The following SAMD4B variants were observed in gnomAD, a reference collection of about 807,000 sequenced individuals.
SAMD4B encodes sterile alpha motif domain containing 4B.
A neutral mutation model predicts 74.5 loss-of-function variants in SAMD4B; 5 were observed. The observed-to-expected ratio is 0.07, with a 90% CI of 0.04 to 0.14. The LOEUF (loss-of-function observed/expected upper bound fraction) is 0.14, where lower values mean the gene tolerates loss of function less well. SAMD4B is among the 10% of genes least tolerant of loss of function. The pLI is 1.00. For synonymous variants in SAMD4B, 373 were observed against 374.9 expected (o/e 1.00, Z 0.06); for missense variants, 608 against 921.8 (o/e 0.66, Z 4.41).
At chr19:39,361,222 A>T (rs2076624980) in intron 3 of SAMD4B, among the ~76,000 whole-genome samples, 1 of 152,104 alleles carries the variant, frequency 6.6e-6, no homozygotes, top group Non-Finnish European at 1.5e-5. Flanking sequence ...AGCGGGATGG[A>T]CCAGTTAGAA....
At chr19:39,366,834 A>G (rs150955467) in intron 3 of SAMD4B, among the ~76,000 whole-genome samples, 275 of 152,192 alleles carry the variant, frequency 1.8e-3, no homozygotes, top group Non-Finnish European at 3.1e-3. Context: ...ACTTGGGTTG[A>G]AAGACCCTCA....
chr19:39,388,116 G>A (rs1454204581), downstream of SAMD4B, among the ~76,000 whole-genome samples: 2 of 152,184 alleles, frequency 1.3e-5, no homozygotes, highest in Non-Finnish European at 2.9e-5. Flanking sequence ...ACTCTGGCCT[G>A]GGCAACAGAG....
chr19:39,365,551 T>A (rs1256406339), intron 3 of SAMD4B, among the ~76,000 whole-genome samples: 1 of 149,856 alleles, frequency 6.7e-6, no homozygotes, highest in Non-Finnish European at 1.5e-5. Context: ...CAAGCCTCCA[T>A]GTCAAAAAAA....
chr19:39,383,703 C>T lies in SAMD4B; in HGVS notation c.*176C>T, dbSNP rs1160435667. The T allele has an allele frequency of 3.9e-6, 6 of 1,540,486 alleles. No individual in the cohort carries two copies. The highest frequency in any genetic ancestry group is 3.5e-6 in the Non-Finnish European group (4 of 1,148,476). On this transcript the variant is annotated 3_prime_UTR_variant, in exon 14 of 14. Coordinates refer to ENST00000610417, the MANE Select transcript of SAMD4B (RefSeq NM_001384574.2). This position sits in a 1 kb window ranked among gnomAD's most constrained non-coding sequence, Gnocchi z 4.1. The stretch of plus-strand genomic sequence containing the variant: ...AACATTGGCACATGCCTTGCTCACT[C>T]CCAGGCCCGTCGAGGGATCTCTGCT...
At chr19:39,344,854 CT>C (rs2075596542) in intron 1 of SAMD4B, among the ~76,000 whole-genome samples, 1 of 152,142 alleles carries the variant, frequency 6.6e-6, no homozygotes, top group Non-Finnish European at 1.5e-5. Flanking sequence ...CCCCTCTTCC[CT>C]TCAGAGATCA....
At chr19:39,366,142 G>T (rs1351479216) in intron 3 of SAMD4B, among the ~76,000 whole-genome samples, 3 of 152,064 alleles carry the variant, frequency 2.0e-5, no homozygotes, top group Admixed American at 1.3e-4. Context: ...ATGGTTAAAC[G>T]CCCCCTCCAC....
chr19:39,381,182 G>T, intron 12 of SAMD4B, 69 bp downstream of exon 12: 1 of 1,511,866 alleles, frequency 6.6e-7, no homozygotes, highest in African/African-American at 1.4e-5. Flanking sequence ...TTTCTCCTGG[G>T]TCTCATGTCC....
chr19:39,370,590 A>C (rs2077233771), intron 4 of SAMD4B, among the ~76,000 whole-genome samples: 1 of 152,086 alleles, frequency 6.6e-6, no homozygotes, highest in South Asian at 2.1e-4. Flanking sequence ...CCTGGCCTCT[A>C]AGGGCATCAG....
downstream of SAMD4B, among the ~76,000 whole-genome samples, chr19:39,387,971 CTA>C (rs1000536828): frequency 6.6e-6 from 1 of 152,112 alleles, no homozygotes; most frequent in Non-Finnish European, 1.5e-5. Flanking sequence ...AACCCCATCT[CTA>C]TTAAAAATAC....
In SAMD4B at chr19:39,369,805, A is replaced by G. The variant is rs776755097; in HGVS notation, c.347A>G (p.Asn116Ser). 3.7e-6 allele frequency: 6 copies of G among 1,614,098 alleles called. No homozygotes were observed. Among genetic ancestry groups the G allele is most frequent in the Non-Finnish European group, 5.1e-6 (6 of 1,180,044 alleles). Residue 116 changes from asparagine (N) to serine (S), a missense_variant, in exon 4 of 14, where the codon AAT (asparagine) becomes AGT (serine). Coordinates refer to ENST00000610417, the MANE Select transcript of SAMD4B (RefSeq NM_001384574.2). ...QKVLAYSIES[N>S]AFIEESRQLL... is the part of the protein sequence containing the mutation. ...GTGCTGGCCTACTCAATCGAGAGCA[A>G]TGCTTTCATCGAGGAGAGTCGCCAG...
chr19:39,365,193 C>T (rs1329537006), intron 3 of SAMD4B, among the ~76,000 whole-genome samples: 1 of 148,164 alleles, frequency 6.7e-6, no homozygotes, highest in Non-Finnish European at 1.5e-5. Flanking sequence ...TTGCAGTGAG[C>T]CGAGATCGTG....
intron 4 of SAMD4B, among the ~76,000 whole-genome samples, chr19:39,373,869 C>A (rs902816074): frequency 5.9e-5 from 9 of 152,212 alleles, no homozygotes; most frequent in African/African-American, 2.2e-4. Context: ...GAGGCTGAGG[C>A]AGGAGAATTG....
In SAMD4B at chr19:39,381,116, G is replaced by A. The variant is rs1256116858; in HGVS notation, c.1972+3G>A. ...GGCCATTCTCATGTTCCCTCCAGGT[G>A]AGGTGCCCCACCCTTGGGACTCTGC... On this transcript the variant is annotated splice_donor_region_variant and intron_variant, in intron 12 of 13. Transcript: ENST00000610417. 1 of 1,600,386 alleles carries A rather than the reference G, an allele frequency of 6.2e-7. No homozygotes were observed. The highest frequency in any genetic ancestry group is 1.7e-5 in the Admixed American group (1 of 58,244).
At position 39,385,548 on chromosome 19, in the gene SAMD4B, T is replaced by TA. The variant is rs2145919398; in HGVS notation, c.*2022dup. On this transcript the variant is annotated 3_prime_UTR_variant, in exon 14 of 14. Coordinates refer to ENST00000610417, the MANE Select transcript of SAMD4B (RefSeq NM_001384574.2). ...CCCTCCTCCATGATTTCACCCTCCCTACCCACTTCTGTCCCCGGCCCCACT... is the reference window on the plus strand; with the variant it reads ...CCCTCCTCCATGATTTCACCCTCCCTAACCCACTTCTGTCCCCGGCCCCACT... The TA allele has an allele frequency of 4.1e-6, 2 of 487,098 alleles. No individual in the cohort carries two copies. Among genetic ancestry groups the TA allele is most frequent in the East Asian group, 6.3e-5 (2 of 31,968 alleles). The allele number at this position is 487,098 out of a possible 1,614,324, so 30.2% of individuals were successfully genotyped here.
chr19:39,355,304 C>A (rs2076282321), intron 2 of SAMD4B, among the ~76,000 whole-genome samples: 1 of 152,204 alleles, frequency 6.6e-6, no homozygotes, highest in Non-Finnish European at 1.5e-5. Context: ...CATTTTCCCT[C>A]ATACCTTTCC....
downstream of SAMD4B, chr19:39,389,969 G>C (rs577472103): frequency 9.2e-7 from 1 of 1,084,318 alleles, no homozygotes; most frequent in Non-Finnish European, 1.4e-6. The surrounding 1 kb of genome is among the most constrained non-coding windows in gnomAD (Gnocchi z 5.3). Flanking sequence ...GCTAGGGTAG[G>C]TACTGTGCTA....
intron 2 of SAMD4B, among the ~76,000 whole-genome samples, 197 bp from the exon 3 acceptor site, chr19:39,356,492 C>T (rs11669586): frequency 0.045 from 6,806 of 152,220 alleles, 171 homozygotes; most frequent in African/African-American, 0.05. Flanking sequence ...GTCCCAGTCA[C>T]GCCTTTTCTC....
At chr19:39,359,988 A>G (rs1217885147) in intron 3 of SAMD4B, 1 of 152,136 alleles carries the variant, frequency 6.6e-6, no homozygotes. Context: ...GATCGAGACC[A>G]TCCTGGCTAA....
chr19:39,373,055 TG>T (rs1386865378), intron 4 of SAMD4B, among the ~76,000 whole-genome samples: 1 of 152,164 alleles, frequency 6.6e-6, no homozygotes. Flanking sequence ...GAAGATGCTC[TG>T]GGGCCTGCAC....
Sources: allele counts gnomAD v4.1 joint callset (sites outside exome capture counted in the v4.1 genomes callset), GRCh38; gene constraint gnomAD v4.1.1; non-coding constraint Gnocchi (gnomAD v3.1); transcripts MANE v1.5; gene names NCBI Gene and HGNC (gene_info 2026-07-23, HGNC 2026-07-21).